MAOB: variants seen among roughly 807,000 people sequenced by gnomAD.
MAOB encodes the protein amine oxidase [flavin-containing] B.
In MAOB, 15 loss-of-function variants were observed where a neutral mutation model predicts 41.9. The observed-to-expected ratio is 0.36, with a 90% CI of 0.24 to 0.55. The LOEUF (loss-of-function observed/expected upper bound fraction) is 0.55. MAOB is among the 20% of genes least tolerant of loss of function. The pLI is 0.86. For synonymous variants in MAOB, 167 were observed against 144.2 expected, an observed-to-expected ratio of 1.16 and a Z score of -1.13; for missense variants, 345 against 398.7, an observed-to-expected ratio of 0.87 and a Z score of 1.15.
At chrX:43,816,200 T>C (rs2034812213) in intron 3 of MAOB, among the ~76,000 whole-genome samples, 1 of 111,942 alleles carries the variant, frequency 8.9e-6, no homozygotes, top group African/African-American at 3.2e-5. Flanking sequence ...CTGGCTCTCC[T>C]TGGGGATGTG....
chrX:43,835,905 A>G (rs1289402383), intron 3 of MAOB, among the ~76,000 whole-genome samples: 1 of 111,927 alleles, frequency 8.9e-6, no homozygotes, highest in Admixed American at 9.5e-5. Flanking sequence ...AAGGTTGCAC[A>G]TAAAACTCTA....
chrX:43,771,342 C>T (rs181621575), intron 12 of MAOB, among the ~76,000 whole-genome samples: 1 of 111,835 alleles, frequency 8.9e-6, no homozygotes, highest in East Asian at 2.8e-4. Context: ...GCCCAACTGT[C>T]GGCTAATATA....
rs751603260 is a variant in MAOB at position 43,843,523 on chromosome X, G to T, written c.141+147C>A. On this transcript the variant is annotated intron_variant, in intron 2 of 14. Transcript: ENST00000378069. ...AGAAGAATTGAAAGGAAGGCAAACT[G>T]GGAGAGAGGCTGTGAAGAATGTTTC... The T allele has an allele frequency of 2.7e-5, 13 of 485,574 alleles. No homozygotes were observed. The Admixed American group carries it at 5.1e-4, about 19-fold the overall frequency. The allele number at this position is 485,574 out of a possible 1,213,427, so 40.0% of individuals were successfully genotyped here.
At chrX:43,770,693 C>A (rs144992707) in intron 12 of MAOB, among the ~76,000 whole-genome samples, 525 of 111,732 alleles carry the variant, frequency 4.7e-3, no homozygotes, top group Non-Finnish European at 8.1e-3. Context: ...CAGTGATATG[C>A]CAAGAGCCAC....
chrX:43,820,016 T>G (rs1241671757), intron 3 of MAOB, among the ~76,000 whole-genome samples: 2 of 112,283 alleles, frequency 1.8e-5, no homozygotes, highest in African/African-American at 3.2e-5. Context: ...ATTTCCTGTT[T>G]TAGAAAGGTC....
intron 3 of MAOB, among the ~76,000 whole-genome samples, chrX:43,825,186 C>T (rs1041874448): frequency 2.7e-5 from 3 of 111,578 alleles, no homozygotes; most frequent in Admixed American, 9.5e-5. Flanking sequence ...GCAAAATCTA[C>T]AGGTGAGAGT....
chrX:43,772,005 TTTC>T (rs780936643), intron 12 of MAOB, among the ~76,000 whole-genome samples: 55 of 111,901 alleles, frequency 4.9e-4, no homozygotes, highest in Non-Finnish European at 9.4e-4. Context: ...CAATCATTTT[TTTC>T]ACCCTATCCA....
intron 1 of MAOB, among the ~76,000 whole-genome samples, chrX:43,866,375 A>G (rs752598235): frequency 1.8e-5 from 2 of 112,306 alleles, no homozygotes; most frequent in South Asian, 7.4e-4. Flanking sequence ...CTTTTTCCCA[A>G]TTCACAAGTT....
chrX:43,848,782 G>C (rs2035229604), intron 1 of MAOB, among the ~76,000 whole-genome samples: 1 of 111,784 alleles, frequency 8.9e-6, no homozygotes, highest in Non-Finnish European at 1.9e-5. Context: ...TCGAACACCT[G>C]ACCTCAGGTG....
chrX:43,796,552 G>A (rs1255769167), intron 6 of MAOB, among the ~76,000 whole-genome samples: 1 of 110,910 alleles, frequency 9.0e-6, no homozygotes, highest in Non-Finnish European at 1.9e-5. Context: ...GGGAGAAAGA[G>A]AAAAGGAGGA....
intron 1 of MAOB, among the ~76,000 whole-genome samples, chrX:43,874,517 C>T (rs1386084036): frequency 9.0e-6 from 1 of 111,718 alleles, no homozygotes; most frequent in Non-Finnish European, 1.9e-5. Flanking sequence ...TATAAACTGT[C>T]AATGGCTCCC....
At chrX:43,833,515 T>C (rs1390686361) in intron 3 of MAOB, among the ~76,000 whole-genome samples, 2 of 111,734 alleles carry the variant, frequency 1.8e-5, no homozygotes, top group Non-Finnish European at 3.8e-5. Context: ...TCACCATCTT[T>C]TGGTGAGCTG....
chrX:43,813,885 A>G (rs978214284), intron 3 of MAOB, among the ~76,000 whole-genome samples: 1 of 111,598 alleles, frequency 9.0e-6, no homozygotes, highest in Non-Finnish European at 1.9e-5. Flanking sequence ...TAAGAAAATC[A>G]TGTAGTAGAT....
intron 6 of MAOB, 99 bp from the exon 7 acceptor site, chrX:43,795,987 A>G: frequency 2.2e-6 from 2 of 907,052 alleles, no homozygotes; most frequent in Non-Finnish European, 3.0e-6. Flanking sequence ...GATGTCTAAC[A>G]TTTCATTTTG....
At chrX:43,827,693 T>G (rs970701498) in intron 3 of MAOB, among the ~76,000 whole-genome samples, 5 of 111,212 alleles carry the variant, frequency 4.5e-5, no homozygotes, top group Admixed American at 2.9e-4. Context: ...TAGCCACCCA[T>G]CTTTAATCTG....
chrX:43,851,034 G>C (rs1161203857), intron 1 of MAOB, among the ~76,000 whole-genome samples: 2 of 111,936 alleles, frequency 1.8e-5, no homozygotes, highest in African/African-American at 6.5e-5. Context: ...ACCCTTTGTT[G>C]TTTGAAAGGA....
At chrX:43,807,821 G>C (rs2147142174) in intron 3 of MAOB, among the ~76,000 whole-genome samples, 1 of 112,294 alleles carries the variant, frequency 8.9e-6, no homozygotes, top group African/African-American at 3.2e-5. Context: ...CACACAGTAG[G>C]TTCACAATAT....
rs778333085 is a variant in MAOB at position 43,794,402 on chromosome X, C to T, written c.769-824G>A. On this transcript the variant is annotated intron_variant, in intron 7 of 14. Coordinates refer to ENST00000378069, the MANE Select transcript of MAOB (RefSeq NM_000898.5). Reference sequence around the variant, plus strand: ...ATCTCACTTTCTGGTATGCCCTCTCCCCACCTTCCTGCTTGATTTTTTCCG... The same window carrying T: ...ATCTCACTTTCTGGTATGCCCTCTCTCCACCTTCCTGCTTGATTTTTTCCG... 2.7e-5 allele frequency among the ~76,000 whole-genome samples: 3 copies of T among 110,622 alleles called. No homozygotes were observed. In the South Asian group the frequency reaches 1.2e-3, roughly 44 times the overall value.
At chrX:43,805,545 A>G (rs2034652480) in intron 3 of MAOB, among the ~76,000 whole-genome samples, 1 of 111,602 alleles carries the variant, frequency 9.0e-6, no homozygotes, top group Admixed American at 9.6e-5. Flanking sequence ...TAATGGACTC[A>G]TACAAGATGT....
Sources: allele counts gnomAD v4.1 joint callset (sites outside exome capture counted in the v4.1 genomes callset), GRCh38; gene constraint gnomAD v4.1.1; transcripts MANE v1.5; gene names NCBI Gene and HGNC (gene_info 2026-07-23, HGNC 2026-07-21).